Variants in ZNF836 observed in about 807,000 individuals in gnomAD.
The protein encoded by ZNF836 is zinc finger protein 836.
ZNF836 carries 12 observed loss-of-function variants against 7.4 expected under a neutral mutation model. That is an observed-to-expected ratio of 1.61 (90% CI 1.03 to 2.61). ZNF836 has a LOEUF of 2.61. ZNF836 is among the 30% of genes most tolerant of loss of function. The pLI is 0.00. For synonymous variants in ZNF836, 365 were observed against 382.6 expected, an observed-to-expected ratio of 0.95 and a Z score of 0.54; for missense variants, 998 against 1,126.2, an observed-to-expected ratio of 0.89 and a Z score of 1.63.
rs750828865 is a variant in ZNF836 at position 52,156,886 on chromosome 19, A to T, written c.797T>A (p.Ile266Lys). 6.2e-7 allele frequency: 1 copy of T among 1,613,998 alleles called. No individual in the cohort carries two copies. Among genetic ancestry groups the T allele is most frequent in the African/African-American group, 1.3e-5 (1 of 74,910 alleles). Reference protein sequence around the residue: ...HRGSLLTIHQIVHTRGKPYQC... With the variant: ...HRGSLLTIHQKVHTRGKPYQC... Reference sequence around the variant, plus strand: ...ATATGGCTTCCCCCTTGTATGGACTATCTGATGTATAGTTAGTAGTGAGCC... The same window carrying T: ...ATATGGCTTCCCCCTTGTATGGACTTTCTGATGTATAGTTAGTAGTGAGCC... Residue 266 changes from isoleucine (I) to lysine (K), a missense_variant, in exon 5 of 5, where the codon ATA (isoleucine) becomes AAA (lysine). By Grantham distance (102) the Ile-to-Lys change is moderately radical. Transcript: ENST00000682614.
rs1468101102 is a variant in ZNF836 at position 52,160,484 on chromosome 19, G to A, written c.123C>T (p.Tyr41=). 1.9e-6 allele frequency: 3 copies of A among 1,614,138 alleles called. No individual in the cohort carries two copies. Among genetic ancestry groups the A allele is most frequent in the South Asian group, 1.1e-5 (1 of 91,084 alleles). ...CCTTACCCAGGAAGACCAGGTTCCT[G>A]TAGTTCTCCAACATCACATCCCAGT... The part of the protein sequence containing the change: ...ALYWDVMLEN[Y]RNLVFLGILP... The change falls in exon 4 of 5, where the codon TAC becomes TAT. Residue 41 remains tyrosine (Y), a synonymous_variant. Transcript: ENST00000682614.
intron 4 of ZNF836, among the ~76,000 whole-genome samples, chr19:52,159,573 T>G (rs922136543): frequency 4.6e-5 from 7 of 152,210 alleles, no homozygotes; most frequent in African/African-American, 1.7e-4. Context: ...TGAATAACAG[T>G]ATCTGAGCCA....
chr19:52,163,845 G>A (rs529531943), intron 3 of ZNF836, among the ~76,000 whole-genome samples: 1 of 152,266 alleles, frequency 6.6e-6, no homozygotes, highest in South Asian at 2.1e-4. Flanking sequence ...TAACAGGGGA[G>A]CTTCTGAGTA....
intron 2 of ZNF836, 44 bp from the exon 3 acceptor site, chr19:52,168,196 T>C: frequency 1.5e-6 from 2 of 1,324,862 alleles, no homozygotes; most frequent in Non-Finnish European, 2.1e-6. Flanking sequence ...AAACAACACA[T>C]TCCTTTCTGC....
chr19:52,154,634 T>C lies in ZNF836; in HGVS notation c.*238A>G. On this transcript the variant is annotated 3_prime_UTR_variant, in exon 5 of 5. Transcript: ENST00000682614. ...TAGATCACGCCACTGCATTCCAGCC[T>C]GGCGACAGAGAGAGACTCCGTCTCA... The C allele has an allele frequency of 3.0e-6, 1 of 333,466 alleles. No homozygotes were observed. The highest frequency in any genetic ancestry group is 5.5e-6 in the Non-Finnish European group (1 of 183,448). The allele number at this position is 333,466 out of a possible 1,614,324, so 20.7% of individuals were successfully genotyped here.
chr19:52,166,208 T>A (rs562462597), intron 3 of ZNF836, among the ~76,000 whole-genome samples: 1 of 152,176 alleles, frequency 6.6e-6, no homozygotes, highest in East Asian at 1.9e-4. Context: ...GCCAGGCTGG[T>A]CTCTAACTCC....
rs573833969 is a variant in ZNF836, at chr19:52,163,623, T to C, written c.16-3032A>G. Among the ~76,000 whole-genome samples, 5 of 152,192 alleles carry C rather than the reference T, an allele frequency of 3.3e-5. 1 individual carries two copies. Among genetic ancestry groups the C allele is most frequent in the Middle Eastern group, 6.8e-3 (2 of 294 alleles). On this transcript the variant is annotated intron_variant, in intron 3 of 4. Transcript: ENST00000682614. Reference sequence around the variant, plus strand: ...CCCCGTCTCTACTGAAAATTCAAGATGAGATTTGGGTGGAGACACAACCAA... The same window carrying C: ...CCCCGTCTCTACTGAAAATTCAAGACGAGATTTGGGTGGAGACACAACCAA...
intron 4 of ZNF836, 187 bp downstream of exon 4, chr19:52,160,278 C>A: frequency 3.0e-6 from 2 of 661,220 alleles, no homozygotes; most frequent in Non-Finnish European, 5.1e-6. Context: ...GGAAGACATT[C>A]AAAAAGGGGA....
At chr19:52,165,789 T>C (rs1029385387) in intron 3 of ZNF836, among the ~76,000 whole-genome samples, 1 of 152,232 alleles carries the variant, frequency 6.6e-6, no homozygotes, top group Admixed American at 6.5e-5. Context: ...GAACAAAACC[T>C]ACTACTATGT....
At chr19:52,165,118 T>C (rs531147217) in intron 3 of ZNF836, 1 of 152,300 alleles carries the variant, frequency 6.6e-6, no homozygotes, top group Non-Finnish European at 1.5e-5. Context: ...AAAGAAAACG[T>C]AAGCAAGAAA....
intron 3 of ZNF836, among the ~76,000 whole-genome samples, chr19:52,166,578 T>TC (rs2089266006): frequency 6.7e-6 from 1 of 148,572 alleles, no homozygotes; most frequent in African/African-American, 2.5e-5. Flanking sequence ...CCAACTTCTT[T>TC]TTTTTTTTTT....
intron 4 of ZNF836, 102 bp downstream of exon 4, chr19:52,160,363 C>T (rs2089202204): frequency 1.4e-6 from 2 of 1,446,760 alleles, no homozygotes; most frequent in Admixed American, 1.8e-5. Flanking sequence ...AACAAGGCTT[C>T]AGTCTCAGTC....
intron 4 of ZNF836, among the ~76,000 whole-genome samples, chr19:52,157,780 A>G (rs1364248342): frequency 6.6e-6 from 1 of 152,110 alleles, no homozygotes; most frequent in East Asian, 1.9e-4. Context: ...CATATTGGCC[A>G]GGCTGGTCTC....
At chr19:52,170,612 T>G (rs2089300126) in intron 1 of ZNF836, among the ~76,000 whole-genome samples, 1 of 152,150 alleles carries the variant, frequency 6.6e-6, no homozygotes, top group African/African-American at 2.4e-5. Context: ...CCCCCTTTTT[T>G]TCTAAATTTC....
intron 4 of ZNF836, chr19:52,160,260 A>G: frequency 1.6e-6 from 1 of 626,746 alleles, no homozygotes; most frequent in Non-Finnish European, 2.8e-6. Context: ...AGGGCACAGG[A>G]CAACAAGGGA....
intron 3 of ZNF836, among the ~76,000 whole-genome samples, chr19:52,162,981 G>A (rs571790773): frequency 6.6e-6 from 1 of 152,260 alleles, no homozygotes; most frequent in East Asian, 1.9e-4. Context: ...TCCGCACCTG[G>A]CCCCACTTCA....
chr19:52,163,489 C>T lies in ZNF836; in HGVS notation c.16-2898G>A, dbSNP rs145034116. On this transcript the variant is annotated intron_variant, in intron 3 of 4. Coordinates refer to ENST00000682614, the MANE Select transcript of ZNF836 (RefSeq NM_001102657.3). ...TTCATCACTCTTAAATTCTGCTTTC[C>T]ACAGCCCGGGTGCGGTGGCTCACGC... is the stretch of plus-strand genomic sequence containing the variant. Among the ~76,000 whole-genome samples the T allele has an allele frequency of 2.7e-3, 416 of 152,238 alleles. 2 individuals carry two copies. The highest frequency in any genetic ancestry group is 4.5e-3 in the Non-Finnish European group (303 of 68,024).
intron 3 of ZNF836, among the ~76,000 whole-genome samples, chr19:52,162,580 G>A (rs1421613629): frequency 2.0e-5 from 3 of 152,240 alleles, no homozygotes; most frequent in Admixed American, 6.5e-5. Flanking sequence ...TTTGGAAGAA[G>A]GGGCCAGGGG....
chr19:52,168,945 A>AG (rs2122233359), intron 2 of ZNF836, among the ~76,000 whole-genome samples: 1 of 152,340 alleles, frequency 6.6e-6, no homozygotes, highest in South Asian at 2.1e-4. Flanking sequence ...AGTTGTTGCC[A>AG]GGGGCTGGTG....
Sources: allele counts gnomAD v4.1 joint callset (sites outside exome capture counted in the v4.1 genomes callset), GRCh38; gene constraint gnomAD v4.1.1; transcripts MANE v1.5; gene names NCBI Gene and HGNC (gene_info 2026-07-23, HGNC 2026-07-21).